XRCC4: variants seen among roughly 807,000 people sequenced by gnomAD.
XRCC4 encodes the protein DNA repair protein XRCC4.
In XRCC4, 28 loss-of-function variants were observed where a neutral mutation model predicts 39.1. The observed-to-expected ratio is 0.72, with a 90% confidence interval of 0.53 to 0.98. The LOEUF (loss-of-function observed/expected upper bound fraction) is 0.98. Among genes scored for constraint, XRCC4 ranks in the 50% least tolerant of loss-of-function variants. The pLI, the probability that XRCC4 is intolerant of heterozygous loss-of-function variation, is 0.00. For synonymous variants in XRCC4, 123 were observed against 126.4 expected, an observed-to-expected ratio of 0.97 and a Z score of 0.18; for missense variants, 350 against 376.4, an observed-to-expected ratio of 0.93 and a Z score of 0.58.
chr5:83,126,578 A>G (rs1017767908), intron 3 of XRCC4, among the ~76,000 whole-genome samples: 3 of 152,178 alleles, frequency 2.0e-5, no homozygotes, highest in Non-Finnish European at 2.9e-5. Context: ...CACAAAGTCA[A>G]TGCCCAGGGG....
intron 7 of XRCC4, among the ~76,000 whole-genome samples, chr5:83,321,300 T>C (rs555366668): frequency 6.6e-6 from 1 of 152,300 alleles, no homozygotes; most frequent in African/African-American, 2.4e-5. Flanking sequence ...GTTTTGAACT[T>C]TATGATTGCA....
chr5:83,134,675 A>G (rs1018461100), intron 3 of XRCC4, among the ~76,000 whole-genome samples: 1 of 152,212 alleles, frequency 6.6e-6, no homozygotes, highest in Non-Finnish European at 1.5e-5. Context: ...CTGAGCCAGC[A>G]GCAGCAACTC....
intron 7 of XRCC4, among the ~76,000 whole-genome samples, chr5:83,288,767 G>A (rs1754818744): frequency 6.6e-6 from 1 of 151,764 alleles, no homozygotes; most frequent in Non-Finnish European, 1.5e-5. Context: ...GGATATGTTG[G>A]TTGAGTTTCC....
At chr5:83,230,298 G>T (rs527468411) in intron 6 of XRCC4, among the ~76,000 whole-genome samples, 1 of 151,860 alleles carries the variant, frequency 6.6e-6, no homozygotes, top group Non-Finnish European at 1.5e-5. Flanking sequence ...AAATCTGAAG[G>T]TTGTTTTTCA....
At chr5:83,364,628 A>C in the XRCC4 span, among the ~76,000 whole-genome samples, 1 of 152,216 alleles carries the variant, frequency 6.6e-6, no homozygotes, top group Admixed American at 6.5e-5. Flanking sequence ...TGAAGCCCTG[A>C]AACAGGTGGC....
chr5:83,195,904 G>C lies in XRCC4; in HGVS notation c.450G>C (p.Arg150Ser), dbSNP rs1750923646. ...KNEHLQKENE[R>S]LLRDWNDVQG... ...AGCACCTGCAGAAAGAAAATGAAAGGCTTCTGAGAGATTGGAATGATGTTC... is the reference window on the plus strand; with the variant it reads ...AGCACCTGCAGAAAGAAAATGAAAGCCTTCTGAGAGATTGGAATGATGTTC... Residue 150 changes from arginine (R) to serine (S), a missense_variant, in exon 4 of 8, where the codon AGG (arginine) becomes AGC (serine). By Grantham distance (110) the Arg-to-Ser change is moderately radical. Coordinates refer to ENST00000396027, the MANE Select transcript of XRCC4 (RefSeq NM_003401.5). The C allele has an allele frequency of 6.2e-7, 1 of 1,610,930 alleles. No homozygotes were observed. Among genetic ancestry groups the C allele is most frequent in the Non-Finnish European group, 8.5e-7 (1 of 1,178,462 alleles).
chr5:83,157,155 C>T (rs1476199562), intron 3 of XRCC4, among the ~76,000 whole-genome samples: 2 of 152,126 alleles, frequency 1.3e-5, no homozygotes, highest in Admixed American at 6.6e-5. Context: ...AGTTGCAAGT[C>T]TTCTAGCAGC....
intron 7 of XRCC4, among the ~76,000 whole-genome samples, chr5:83,273,058 T>G (rs1754198219): frequency 1.3e-5 from 2 of 152,330 alleles, no homozygotes; most frequent in East Asian, 3.9e-4. Context: ...GTCAAAGCAT[T>G]CCTATTCCTC....
intron 7 of XRCC4, among the ~76,000 whole-genome samples, chr5:83,299,988 A>G (rs565827428): frequency 6.6e-5 from 10 of 152,146 alleles, no homozygotes; most frequent in Non-Finnish European, 1.3e-4. Context: ...ACTTGTGGAG[A>G]TTCTTTGAGG....
chr5:83,229,779 G>C (rs1752430850), intron 6 of XRCC4, among the ~76,000 whole-genome samples: 1 of 148,654 alleles, frequency 6.7e-6, no homozygotes, highest in Admixed American at 6.8e-5. Context: ...TAATATGGTA[G>C]TTGATATGCA....
intron 6 of XRCC4, among the ~76,000 whole-genome samples, chr5:83,251,592 A>T (rs112435850): frequency 0.037 from 5,677 of 152,026 alleles, 357 homozygotes; most frequent in African/African-American, 0.13. Flanking sequence ...TAAATATCTA[A>T]TATAATCAAC....
chr5:83,095,304 G>T (rs1182661697), intron 1 of XRCC4, among the ~76,000 whole-genome samples: 3 of 152,100 alleles, frequency 2.0e-5, no homozygotes, highest in Non-Finnish European at 4.4e-5. Flanking sequence ...GATCAGCCTT[G>T]GCCACAGGGT....
At chr5:83,193,988 C>T (rs1424839232) in intron 3 of XRCC4, among the ~76,000 whole-genome samples, 2 of 152,098 alleles carry the variant, frequency 1.3e-5, no homozygotes, top group Admixed American at 1.3e-4. Flanking sequence ...GGCTGGAGTG[C>T]AGTGGCACAA....
chr5:83,244,623 G>A (rs556951604), intron 6 of XRCC4, among the ~76,000 whole-genome samples: 72 of 152,160 alleles, frequency 4.7e-4, no homozygotes, highest in Admixed American at 1.8e-3. Flanking sequence ...CCACAGCTTT[G>A]CCTTATAAAT....
intron 3 of XRCC4, among the ~76,000 whole-genome samples, chr5:83,170,680 C>T (rs774069419): frequency 6.6e-6 from 1 of 152,092 alleles, no homozygotes; most frequent in Non-Finnish European, 1.5e-5. Context: ...CATGAAGAAC[C>T]CAGTCCCCTT....
At chr5:83,274,236 T>A (rs1754246792) in intron 7 of XRCC4, among the ~76,000 whole-genome samples, 1 of 152,220 alleles carries the variant, frequency 6.6e-6, no homozygotes, top group Non-Finnish European at 1.5e-5. Context: ...TCAGGTTAAT[T>A]ACTTGTGGAA....
At chr5:83,162,447 A>C (rs1246374923) in intron 3 of XRCC4, among the ~76,000 whole-genome samples, 1 of 152,134 alleles carries the variant, frequency 6.6e-6, no homozygotes, top group African/African-American at 2.4e-5. Context: ...TTATTGTCAG[A>C]TTCCTGTTTG....
chr5:83,247,735 A>G (rs1317957094), intron 6 of XRCC4, among the ~76,000 whole-genome samples: 4 of 152,182 alleles, frequency 2.6e-5, no homozygotes, highest in Middle Eastern at 6.3e-3. Flanking sequence ...TATTTATTAA[A>G]TATTTATGCA....
downstream of XRCC4, chr5:83,353,777 T>C (rs1046566138): frequency 6.6e-6 from 1 of 152,204 alleles, no homozygotes; most frequent in African/African-American, 2.4e-5. Flanking sequence ...GTGTTTTTAA[T>C]AAAATGTGTT....
Sources: gnomAD v4.1 joint callset for allele counts (sites outside exome capture counted in the v4.1 genomes callset) on GRCh38, gnomAD v4.1.1 for gene constraint, MANE v1.5 for transcripts, NCBI Gene and HGNC (gene_info 2026-07-23, HGNC 2026-07-21) for gene names.